Variants in CDK17 observed in about 807,000 individuals in gnomAD.
The protein encoded by CDK17 is cyclin-dependent kinase 17.
In CDK17, 24 loss-of-function variants were observed where a neutral mutation model predicts 77.6. The observed-to-expected ratio is 0.31, with a 90% CI of 0.22 to 0.44. CDK17 has a LOEUF of 0.44. Among genes scored for constraint, CDK17 ranks in the 20% least tolerant of loss-of-function variants. The pLI, the probability that CDK17 is intolerant of heterozygous loss-of-function variation, is 1.00. For synonymous variants in CDK17, 203 were observed against 210.4 expected (o/e 0.96, Z 0.30); for missense variants, 429 against 622.5 (o/e 0.69, Z 3.31).
At chr12:96,316,570 A>T (rs1427857465) in intron 3 of CDK17, among the ~76,000 whole-genome samples, 94 of 143,848 alleles carry the variant, frequency 6.5e-4, no homozygotes, top group East Asian at 1.1e-3. Context: ...GACAGCTTTG[A>T]AGAGAGCAGT....
chr12:96,290,857 TC>T (rs1400452379), intron 10 of CDK17, among the ~76,000 whole-genome samples: 1 of 152,186 alleles, frequency 6.6e-6, no homozygotes, highest in African/African-American at 2.4e-5. Context: ...GCCTTCTAGT[TC>T]ACAATTAGAA....
Position 96,311,158 on chromosome 12 carries a change from G to T in CDK17, c.437C>A (p.Ser146Ter). 2 of 1,547,262 alleles carry T rather than the reference G, an allele frequency of 1.3e-6. No homozygotes were observed. The highest frequency in any genetic ancestry group is 2.4e-5 in the Admixed American group (1 of 41,694). ...AGGTATTCTGATGTCTGCAGGCAGT[G>T]ATAACCGCTTATTTAAATCCTTAAA... Reference protein sequence around the residue: ...ISMEDLNKRLSLPADIRIPDG... With the variant: ...ISMEDLNKRL The change falls in exon 5 of 17, where the codon TCA (serine) becomes TAA (stop). Residue 146 changes from serine (S) to a stop codon, truncating the protein, a stop_gained. Transcript: ENST00000261211. LOFTEE classifies it high-confidence loss of function.
chr12:96,300,479 C>T, intron 5 of CDK17, 119 bp from the exon 6 acceptor site: 1 of 593,690 alleles, frequency 1.7e-6, no homozygotes, highest in Non-Finnish European at 3.0e-6. Flanking sequence ...TTACTGCAAC[C>T]TCCACCTCGC....
At chr12:96,287,966 C>T (rs1036849666) in intron 11 of CDK17, among the ~76,000 whole-genome samples, 3 of 151,844 alleles carry the variant, frequency 2.0e-5, no homozygotes, top group Admixed American at 6.6e-5. Flanking sequence ...TTAGAACAGT[C>T]AAATTTATGG....
At chr12:96,300,449 T>A (rs970020565) in intron 5 of CDK17, 89 bp from the exon 6 acceptor site, 2 of 752,504 alleles carry the variant, frequency 2.7e-6, no homozygotes, top group Non-Finnish European at 2.2e-6. Context: ...CAGGCTGGAG[T>A]GCAGCGGCAC....
chr12:96,316,392 AT>A (rs1459417756), intron 3 of CDK17, among the ~76,000 whole-genome samples: 1 of 149,564 alleles, frequency 6.7e-6, no homozygotes, highest in Non-Finnish European at 1.5e-5. Context: ...GGCGCCCGCC[AT>A]TGCCCAGGCT....
intron 1 of CDK17, among the ~76,000 whole-genome samples, chr12:96,397,293 ATTT>A (rs60718626): frequency 6.8e-6 from 1 of 148,064 alleles, no homozygotes; most frequent in East Asian, 2.0e-4. Context: ...TAAATTTTCT[ATTT>A]TTTTTTTTAT....
intron 2 of CDK17, among the ~76,000 whole-genome samples, chr12:96,325,503 G>A (rs1218996696): frequency 1.3e-5 from 2 of 152,190 alleles, no homozygotes; most frequent in East Asian, 1.9e-4. Context: ...CAGGGTATGG[G>A]CTCCAGAGAA....
chr12:96,282,504 C>A lies in CDK17; in HGVS notation c.1456+5G>T. 6.3e-7 allele frequency: 1 copy of A among 1,584,990 alleles called. No homozygotes were observed. Among genetic ancestry groups the A allele is most frequent in the Non-Finnish European group, 8.7e-7 (1 of 1,153,550 alleles). ...GCAGGGAAAACACTTTAGGATTTCT[C>A]TTACTTTCTGGTAAAGCATGTATTC... On this transcript the variant is annotated splice_donor_5th_base_variant and intron_variant, in intron 15 of 16. Coordinates refer to ENST00000261211, the MANE Select transcript of CDK17 (RefSeq NM_002595.5).
At chr12:96,380,039 C>T (rs910841446) in intron 1 of CDK17, among the ~76,000 whole-genome samples, 3 of 151,570 alleles carry the variant, frequency 2.0e-5, no homozygotes, top group Middle Eastern at 3.4e-3. Context: ...CATGGTGGCA[C>T]ACACCTGTAG....
intron 14 of CDK17, 67 bp from the exon 15 acceptor site, chr12:96,282,666 C>A (rs1261345765): frequency 3.1e-6 from 3 of 960,206 alleles, no homozygotes; most frequent in Admixed American, 1.9e-5. Flanking sequence ...AGGAGATGGG[C>A]AAATTAGCAT....
intron 1 of CDK17, among the ~76,000 whole-genome samples, chr12:96,364,377 T>C (rs1488606027): frequency 6.6e-6 from 1 of 152,222 alleles, no homozygotes; most frequent in African/African-American, 2.4e-5. Flanking sequence ...CCACCAGCAA[T>C]GTGTTCCAGC....
At chr12:96,281,005 G>A (rs1013130885) in intron 15 of CDK17, 120 bp from the exon 16 acceptor site, 1 of 814,116 alleles carries the variant, frequency 1.2e-6, no homozygotes, top group East Asian at 2.8e-5. Context: ...TTTACAAGGT[G>A]ATAGCCCTGC....
chr12:96,324,045 T>C lies in CDK17; in HGVS notation c.186A>G (p.Thr62=), dbSNP rs374215497. ...GCAATGGGGGCTTCTTGAAAGATCC[T>C]GTGTACTGGTGGAGGAAGGAATGCA... ...HSMHSFLHQY[T]GSFKKPPLRR... is the part of the protein sequence containing the mutation. The change falls in exon 3 of 17, where the codon ACA becomes ACG. Residue 62 remains threonine (T), a synonymous_variant. Coordinates refer to ENST00000261211, the MANE Select transcript of CDK17 (RefSeq NM_002595.5). 2.5e-6 allele frequency: 4 copies of C among 1,611,730 alleles called. No homozygotes were observed. The highest frequency in any genetic ancestry group is 2.5e-6 in the Non-Finnish European group (3 of 1,178,904).
At chr12:96,397,202 C>T (rs182009861) in intron 1 of CDK17, among the ~76,000 whole-genome samples, 2 of 152,242 alleles carry the variant, frequency 1.3e-5, no homozygotes, top group African/African-American at 4.8e-5. Flanking sequence ...TATCTGAAAA[C>T]TAAATATATC....
At chr12:96,349,382 G>A (rs565685294) in intron 1 of CDK17, among the ~76,000 whole-genome samples, 1 of 152,060 alleles carries the variant, frequency 6.6e-6, no homozygotes, top group Non-Finnish European at 1.5e-5. Flanking sequence ...AAACCCAGGA[G>A]GGGGAGGTTG....
intron 11 of CDK17, among the ~76,000 whole-genome samples, chr12:96,288,526 A>G (rs1952275629): frequency 6.6e-6 from 1 of 152,164 alleles, no homozygotes; most frequent in African/African-American, 2.4e-5. Flanking sequence ...CCATTTTGCT[A>G]AAAGGGAACA....
chr12:96,327,847 C>T (rs917906710), intron 2 of CDK17, among the ~76,000 whole-genome samples: 1 of 151,992 alleles, frequency 6.6e-6, no homozygotes, highest in Non-Finnish European at 1.5e-5. Flanking sequence ...ATGCCTAGCC[C>T]CAAAATATTT....
chr12:96,393,026 A>T (rs1025499836), intron 1 of CDK17, among the ~76,000 whole-genome samples: 3 of 152,344 alleles, frequency 2.0e-5, no homozygotes, highest in Admixed American at 2.0e-4. Flanking sequence ...TAATTGAAAA[A>T]TTAAATTTAT....
Sources: gnomAD v4.1 joint callset for allele counts (sites outside exome capture counted in the v4.1 genomes callset) on GRCh38, gnomAD v4.1.1 for gene constraint, MANE v1.5 for transcripts, NCBI Gene and HGNC (gene_info 2026-07-23, HGNC 2026-07-21) for gene names.